CELSR2: variants seen among roughly 807,000 people sequenced by gnomAD.
The protein encoded by CELSR2 is EGF-like protein 2.
Under a neutral mutation model 251.6 loss-of-function variants are expected in CELSR2, and 81 were observed. That is an observed-to-expected ratio of 0.32 (90% confidence interval 0.27 to 0.39). The LOEUF (loss-of-function observed/expected upper bound fraction) is 0.39, where lower values mean the gene tolerates loss of function less well. Ranked by LOEUF, CELSR2 falls within the 10% of genes least tolerant of loss-of-function variation. CELSR2 has a pLI of 1.00. For synonymous variants in CELSR2, 1,721 were observed against 1,670.5 expected, an observed-to-expected ratio of 1.03 and a Z score of -0.74; for missense variants, 3,365 against 3,947.7, an observed-to-expected ratio of 0.85 and a Z score of 3.96.
rs774384283 is a variant in CELSR2, at chr1:109,265,297, G to A, written c.5713G>A (p.Glu1905Lys). Residue 1905 changes from glutamate (E) to lysine (K), a missense_variant, in exon 13 of 34, where the codon GAG (glutamate) becomes AAG (lysine). Coordinates refer to ENST00000271332, the MANE Select transcript of CELSR2 (RefSeq NM_001408.3). The stretch of plus-strand genomic sequence containing the variant: ...CCCAGACTGCAACAAGACAAGCGGC[G>A]AGTGCCACTGCAAGGTGACAGCCCC... Reference protein sequence around the residue: ...FDPDCNKTSGECHCKENHYRP... With the variant: ...FDPDCNKTSGKCHCKENHYRP... The A allele has an allele frequency of 8.1e-6, 13 of 1,605,194 alleles. No homozygotes were observed. The highest frequency in any genetic ancestry group is 5.6e-5 in the South Asian group (5 of 89,556).
intron 15 of CELSR2, 92 bp downstream of exon 15, chr1:109,266,298 A>G: frequency 6.7e-7 from 1 of 1,486,460 alleles, no homozygotes; most frequent in Non-Finnish European, 9.0e-7. Flanking sequence ...AGATCCGGGG[A>G]CCCCACTTTC....
chr1:109,273,869 G>GC, intron 33 of CELSR2, 153 bp from the exon 34 acceptor site: 1 of 1,184,008 alleles, frequency 8.4e-7, no homozygotes, highest in South Asian at 1.3e-5. Flanking sequence ...TAGGCTCTAC[G>GC]CGGCGCAGCC....
Position 109,271,638 on chromosome 1 carries a change from GGAGGT to G in CELSR2, c.7843_7847del (p.Glu2615ProfsTer15). 1 of 1,614,078 alleles carries G rather than the reference GGAGGT, an allele frequency of 6.2e-7. No individual in the cohort carries two copies. Among genetic ancestry groups the G allele is most frequent in the Non-Finnish European group, 8.5e-7 (1 of 1,180,030 alleles). ...TCCTCTCCTATGTGGTGCTTAGCAA[GGAGGT>G]CCGGAAAGCACTCAAGCTTGCCTGC... On this transcript the variant is annotated frameshift_variant, in exon 28 of 34. Coordinates refer to ENST00000271332, the MANE Select transcript of CELSR2 (RefSeq NM_001408.3). LOFTEE classifies it high-confidence loss of function.
rs748084579 is a variant in CELSR2, at chr1:109,258,932, G to C, written c.3811G>C (p.Gly1271Arg). The change falls in exon 2 of 34, where the codon GGG becomes CGG. Residue 1271 changes from glycine to arginine, a missense_variant. By Grantham distance (125) the Gly-to-Arg change is moderately radical. This residue lies in a region of CELSR2 where 2,093 missense variants were observed against 2,382.8 expected (regional missense o/e 0.88). Coordinates refer to ENST00000271332, the MANE Select transcript of CELSR2 (RefSeq NM_001408.3). ...VLFRPIHPVG[G>R]LRCRCPPGFT... ...CTTCCGGCCCATCCACCCCGTCGGA[G>C]GGCTGCGCTGCCGCTGCCCGCCCGG... 4 of 1,611,940 alleles carry C rather than the reference G, an allele frequency of 2.5e-6. No individual in the cohort carries two copies. The highest frequency in any genetic ancestry group is 3.4e-6 in the Non-Finnish European group (4 of 1,179,554).
rs747151211 is a variant in CELSR2, at chr1:109,250,204, C to G, written c.125C>G (p.Ser42Cys). Residue 42 changes from serine to cysteine, a missense_variant, in exon 1 of 34, where the codon TCC becomes TGC. Physicochemically the swap from Ser to Cys is moderately radical, Grantham distance 112. Transcript: ENST00000271332. This position sits in a 1 kb window ranked among gnomAD's most constrained non-coding sequence, Gnocchi z 4.4. ...DQVGPCRSLG[S>C]RGRGSSGACA... ...GTGGGGCCCTGTCGTTCCTTGGGGT[C>G]CAGGGGACGAGGCTCTTCGGGGGCC... 1.2e-6 allele frequency: 2 copies of G among 1,600,628 alleles called. No homozygotes were observed. The highest frequency in any genetic ancestry group is 1.7e-6 in the Non-Finnish European group (2 of 1,174,936).
At chr1:109,262,069 A>G (rs1656035446) in intron 5 of CELSR2, among the ~76,000 whole-genome samples, 173 bp downstream of exon 5, 1 of 152,172 alleles carries the variant, frequency 6.6e-6, no homozygotes, top group African/African-American at 2.4e-5. Context: ...CCCACTGGGC[A>G]CTGCTCGATG....
rs1656250465 is a variant in CELSR2, at chr1:109,267,984, C to G, written c.6242C>G (p.Ala2081Gly). ...GSDVKVAYQLATRLLAHESTQ... is the reference protein window; with the variant it reads ...GSDVKVAYQLGTRLLAHESTQ... The stretch of plus-strand genomic sequence containing the variant: ...GACGTCAAGGTGGCCTACCAGCTGG[C>G]CACGCGGCTGCTGGCCCACGAGAGC... Residue 2081 changes from alanine to glycine, a missense_variant, in exon 17 of 34, where the codon GCC becomes GGC. Around this residue, in one of 5 missense-constraint regions of CELSR2, gnomAD observed 2,093 missense variants for 2,382.8 expected, o/e 0.88. Transcript: ENST00000271332. 6.2e-7 allele frequency: 1 copy of G among 1,610,908 alleles called. No homozygotes were observed. Among genetic ancestry groups the G allele is most frequent in the Non-Finnish European group, 8.5e-7 (1 of 1,179,732 alleles).
At chr1:109,273,972 A>G (rs746444383) in intron 33 of CELSR2, 50 bp from the exon 34 acceptor site, 4 of 1,607,718 alleles carry the variant, frequency 2.5e-6, no homozygotes, top group East Asian at 2.2e-5. Flanking sequence ...CTCTGTTTCA[A>G]CTAACCCTCT....
At position 109,250,126 on chromosome 1, in the gene CELSR2, C is replaced by CGCCGCTGCT. The variant is rs1553179299; in HGVS notation, c.49_50insCGCTGCTGC (p.Pro16_Leu17insProLeuLeu). 5.1e-6 allele frequency: 8 copies of CGCCGCTGCT among 1,572,998 alleles called. No individual in the cohort carries two copies. Among genetic ancestry groups the CGCCGCTGCT allele is most frequent in the African/African-American group, 1.4e-5 (1 of 72,390 alleles). Reference sequence around the variant, plus strand: ...GTCCCCCTCCCAACGCCGCCGCCGCCGCTGCTGCTGCTGTTGCTGCTGCTG... The same window carrying CGCCGCTGCT: ...GTCCCCCTCCCAACGCCGCCGCCGCCGCCGCTGCTGCTGCTGCTGCTGTTGCTGCTGCTG... On this transcript the variant is annotated inframe_insertion, in exon 1 of 34. Transcript: ENST00000271332. The surrounding 1 kb of genome is among the most constrained non-coding windows in gnomAD (Gnocchi z 4.4).
chr1:109,267,576 C>T lies in CELSR2; in HGVS notation c.6042C>T (p.His2014=). ...CTGCTGTGCGCCACTGTGATGAGCA[C>T]AGGGGGTGGCTCCCCCCAAACCTCT... The part of the protein sequence containing the change: ...FGTAVRHCDE[H]RGWLPPNLFN... Residue 2014 remains histidine (H), a synonymous_variant, in exon 16 of 34, where the codon CAC becomes CAT. Coordinates refer to ENST00000271332, the MANE Select transcript of CELSR2 (RefSeq NM_001408.3). 6.2e-7 allele frequency: 1 copy of T among 1,614,156 alleles called. No homozygotes were observed. Among genetic ancestry groups the T allele is most frequent in the Non-Finnish European group, 8.5e-7 (1 of 1,180,012 alleles).
rs1378439866 is a variant in CELSR2 at position 109,249,616 on chromosome 1, GGCGGGGACGCGGGGCGCGA to G, written c.-458_-440del. On this transcript the variant is annotated 5_prime_UTR_variant, in exon 1 of 34. Transcript: ENST00000271332. ...GGCCGCGGCGACAGGCAGCAGCCGC[GGCGGGGACGCGGGGCGCGA>G]GCGGGCGGCGCGGGACCGTCGGGGG... 7.5e-5 allele frequency among the ~76,000 whole-genome samples: 11 copies of G among 147,234 alleles called. No individual in the cohort carries two copies. The highest frequency in any genetic ancestry group is 1.7e-4 in the Non-Finnish European group (11 of 66,262).
rs1655739655 is a variant in CELSR2 at position 109,252,996 on chromosome 1, A to C, written c.2917A>C (p.Ile973Leu). Residue 973 changes from isoleucine to leucine, a missense_variant, in exon 1 of 34, where the codon ATC becomes CTC. Ile to Leu is a conservative substitution (Grantham distance 5, BLOSUM62 2). This residue lies in a region of CELSR2 where 505 missense variants were observed against 660.0 expected (regional missense o/e 0.77). Transcript: ENST00000271332. This position sits in a 1 kb window ranked among gnomAD's most constrained non-coding sequence, Gnocchi z 4.8. ...GNIPEVFQLD[I>L]FSGELTALVD... ...CATCCCTGAGGTCTTTCAGCTGGACATCTTCTCCGGGGAGCTGACAGCCCT... is the reference window on the plus strand; with the variant it reads ...CATCCCTGAGGTCTTTCAGCTGGACCTCTTCTCCGGGGAGCTGACAGCCCT... The C allele has an allele frequency of 6.2e-7, 1 of 1,612,220 alleles. No homozygotes were observed. Among genetic ancestry groups the C allele is most frequent in the Non-Finnish European group, 8.5e-7 (1 of 1,178,826 alleles).
chr1:109,269,481 T>C lies in CELSR2; in HGVS notation c.6870T>C (p.Asp2290=), dbSNP rs1274560166. Residue 2290 remains aspartate (D), a synonymous_variant, in exon 21 of 34, where the codon GAT becomes GAC. Coordinates refer to ENST00000271332, the MANE Select transcript of CELSR2 (RefSeq NM_001408.3). This position sits in a 1 kb window ranked among gnomAD's most constrained non-coding sequence, Gnocchi z 6.4. ...TPVVSISVHD[D]EELLPRALDK... is the part of the protein sequence containing the mutation. ...TGGTGAGCATCAGCGTCCATGATGA[T>C]GAGGAGCTTCTGCCCCGGGCCCTGG... 2 of 1,614,100 alleles carry C rather than the reference T, an allele frequency of 1.2e-6. No individual in the cohort carries two copies. The highest frequency in any genetic ancestry group is 8.5e-7 in the Non-Finnish European group (1 of 1,180,014).
chr1:109,257,190 C>T (rs1426289688), intron 1 of CELSR2, among the ~76,000 whole-genome samples: 1 of 152,086 alleles, frequency 6.6e-6, no homozygotes, highest in Non-Finnish European at 1.5e-5. Flanking sequence ...CCCATCTCTA[C>T]ACACAAACAA....
Position 109,265,793 on chromosome 1 carries a change from C to A in CELSR2, c.5786C>A (p.Thr1929Lys). The change falls in exon 14 of 34, where the codon ACA becomes AAA. Residue 1929 changes from threonine to lysine, a missense_variant. Coordinates refer to ENST00000271332, the MANE Select transcript of CELSR2 (RefSeq NM_001408.3). ...TGCCTCTTGTGTGACTGCTACCCCACAGGCTCCTTGTCCAGAGTCTGTGAC... is the reference window on the plus strand; with the variant it reads ...TGCCTCTTGTGTGACTGCTACCCCAAAGGCTCCTTGTCCAGAGTCTGTGAC... ...PTCLLCDCYP[T>K]GSLSRVCDPE... 6.2e-7 allele frequency: 1 copy of A among 1,614,106 alleles called. No individual in the cohort carries two copies. The highest frequency in any genetic ancestry group is 1.1e-5 in the South Asian group (1 of 91,088).
At chr1:109,265,978 A>G (rs1286982164) in intron 14 of CELSR2, 60 bp downstream of exon 14, 1 of 1,583,058 alleles carries the variant, frequency 6.3e-7, no homozygotes, top group Admixed American at 1.7e-5. Context: ...CCTGCACCCC[A>G]GGAAAGCCAG....
At chr1:109,273,738 C>T (rs1305869137) in intron 33 of CELSR2, 68 bp downstream of exon 33, 2 of 1,245,704 alleles carry the variant, frequency 1.6e-6, no homozygotes, top group East Asian at 2.6e-5. Context: ...CCAGAGCTGC[C>T]TCCGGGCCTC....
intron 7 of CELSR2, 64 bp from the exon 8 acceptor site, chr1:109,263,078 T>C: frequency 6.3e-7 from 1 of 1,579,272 alleles, no homozygotes. Context: ...CTCTAACTGC[T>C]GCCACAGGCT....
In CELSR2 at chr1:109,274,353, C is replaced by G. The variant is rs985405113; in HGVS notation, c.*304C>G. On this transcript the variant is annotated 3_prime_UTR_variant, in exon 34 of 34. Coordinates refer to ENST00000271332, the MANE Select transcript of CELSR2 (RefSeq NM_001408.3). ...AATTTAAAAAAGGATCTCCACTCTTCATGACTTCAGGGATTCATTTTTTTT... is the reference window on the plus strand; with the variant it reads ...AATTTAAAAAAGGATCTCCACTCTTGATGACTTCAGGGATTCATTTTTTTT... 2 of 537,874 alleles carry G rather than the reference C, an allele frequency of 3.7e-6. No individual in the cohort carries two copies. The highest frequency in any genetic ancestry group is 1.9e-5 in the African/African-American group (1 of 52,614). 33.3% of individuals were successfully genotyped at this position (537,874 alleles called of 1,614,324 possible). A position where few individuals can be genotyped will look rare whatever the true frequency, so the allele number is the denominator to read the frequency against.
Sources: gnomAD v4.1 joint callset for allele counts (sites outside exome capture counted in the v4.1 genomes callset) on GRCh38, gnomAD v4.1.1 for gene constraint, gnomAD v4.1.1 regional missense constraint, Gnocchi (gnomAD v3.1) non-coding constraint, MANE v1.5 for transcripts, NCBI Gene and HGNC (gene_info 2026-07-23, HGNC 2026-07-21) for gene names.